Variants in LMNB1 observed in about 807,000 individuals in gnomAD.
The protein encoded by LMNB1 is lamin B1, also known as lamin-B1.
Under a neutral mutation model 67.1 loss-of-function variants are expected in LMNB1, and 23 were observed. The ratio of observed to expected loss-of-function variants is 0.34; its 90% CI spans 0.25 to 0.49. LMNB1 has a LOEUF of 0.49. Among genes scored for constraint, LMNB1 ranks in the 20% least tolerant of loss-of-function variants. The pLI is 0.99. For synonymous variants in LMNB1, 281 were observed against 282.9 expected (o/e 0.99, Z 0.07); for missense variants, 634 against 746.5 (o/e 0.85, Z 1.76).
chr5:126,791,988 G>T (rs1487913278), intron 1 of LMNB1, among the ~76,000 whole-genome samples: 1 of 151,640 alleles, frequency 6.6e-6, no homozygotes, highest in Admixed American at 6.6e-5. Context: ...TCACCATGTT[G>T]GTCAGGCTGG....
chr5:126,827,400 C>G (rs1752021761), intron 9 of LMNB1, among the ~76,000 whole-genome samples: 1 of 152,206 alleles, frequency 6.6e-6, no homozygotes, highest in South Asian at 2.1e-4. Context: ...TGGCTCATGC[C>G]TGTAATCCCA....
intron 9 of LMNB1, among the ~76,000 whole-genome samples, chr5:126,829,309 C>T (rs1035656695): frequency 2.6e-5 from 4 of 151,858 alleles, no homozygotes; most frequent in African/African-American, 9.7e-5. Flanking sequence ...CTTCTGGTTG[C>T]CTCCCTTGGG....
At chr5:126,819,651 C>T (rs1375485205) in intron 6 of LMNB1, among the ~76,000 whole-genome samples, 1 of 151,588 alleles carries the variant, frequency 6.6e-6, no homozygotes, top group Non-Finnish European at 1.5e-5. Flanking sequence ...TCACCACACC[C>T]GGCTAATTTT....
intron 1 of LMNB1, among the ~76,000 whole-genome samples, chr5:126,788,481 G>A (rs2973891): frequency 0.68 from 103,428 of 151,906 alleles, 35,608 homozygotes; most frequent in South Asian, 0.74. Flanking sequence ...TACTAAAAAT[G>A]CAAAAATTAG....
At chr5:126,786,460 A>C (rs1202965418) in intron 1 of LMNB1, among the ~76,000 whole-genome samples, 7 of 152,162 alleles carry the variant, frequency 4.6e-5, no homozygotes, top group African/African-American at 9.7e-5. Flanking sequence ...GCTGATGAGT[A>C]AGGAAACTTC....
chr5:126,787,546 A>ATATATATATATATATATTTTTTTTT, intron 1 of LMNB1, among the ~76,000 whole-genome samples: 1 of 65,574 alleles, frequency 1.5e-5, no homozygotes, highest in African/African-American at 6.6e-5. Context: ...ATATATATAT[A>ATATATATATATATATATTTTTTTTT]TTTTTTTTTT....
At chr5:126,797,795 G>A (rs1037730415) in intron 1 of LMNB1, among the ~76,000 whole-genome samples, 8 of 152,276 alleles carry the variant, frequency 5.3e-5, no homozygotes, top group Middle Eastern at 3.4e-3. Context: ...CATTGATTTG[G>A]CTGAGTGCAG....
chr5:126,833,423 C>G (rs1171324962), intron 10 of LMNB1, among the ~76,000 whole-genome samples: 1 of 152,164 alleles, frequency 6.6e-6, no homozygotes, highest in Non-Finnish European at 1.5e-5. Flanking sequence ...TACCCTTATC[C>G]TGATAAGACT....
intron 1 of LMNB1, among the ~76,000 whole-genome samples, chr5:126,789,021 G>C (rs1477355389): frequency 6.6e-6 from 1 of 151,832 alleles, no homozygotes; most frequent in African/African-American, 2.4e-5. Flanking sequence ...TCAGCCTCTG[G>C]AGTAGCTGGG....
chr5:126,831,098 A>C (rs952511015), intron 9 of LMNB1, among the ~76,000 whole-genome samples: 28 of 152,230 alleles, frequency 1.8e-4, no homozygotes, highest in African/African-American at 6.5e-4. Flanking sequence ...TATTTACAAA[A>C]CACATTATTG....
In LMNB1 at chr5:126,811,865, C is replaced by T. The variant is rs764400363; in HGVS notation, c.906C>T (p.Ser302=). 3 of 1,612,450 alleles carry T rather than the reference C, an allele frequency of 1.9e-6. No individual in the cohort carries two copies. Among genetic ancestry groups the T allele is most frequent in the Admixed American group, 1.7e-5 (1 of 60,006 alleles). Residue 302 remains serine (S), a synonymous_variant, in exon 5 of 11, where the codon AGC becomes AGT. Coordinates refer to ENST00000261366, the MANE Select transcript of LMNB1 (RefSeq NM_005573.4). ...ELMESRMRIE[S]LSSQLSNLQK... ...TGGAAAGCCGCATGAGAATTGAGAG[C>T]CTTTCATCCCAGCTTTCTAATCTAC...
intron 8 of LMNB1, among the ~76,000 whole-genome samples, chr5:126,823,178 G>GAA (rs1173215413): frequency 6.6e-6 from 1 of 152,192 alleles, no homozygotes; most frequent in Non-Finnish European, 1.5e-5. Flanking sequence ...TTGGCATAAA[G>GAA]AACTGTTAAG....
rs202220371 is a variant in LMNB1, at chr5:126,806,618, GAA to G, written c.642+924_642+925del. ...GTGATGAGAAAGAGAGAGAGAGAGAGAAAGAAACACAACGAGAACATGAATAC... is the reference window on the plus strand; with the variant it reads ...GTGATGAGAAAGAGAGAGAGAGAGAGAGAAACACAACGAGAACATGAATAC... On this transcript the variant is annotated intron_variant, in intron 3 of 10. Coordinates refer to ENST00000261366, the MANE Select transcript of LMNB1 (RefSeq NM_005573.4). Among the ~76,000 whole-genome samples, 390 of 152,166 alleles carry G rather than the reference GAA, an allele frequency of 2.6e-3. 5 individuals are homozygous for G. Among genetic ancestry groups the G allele is most frequent in the African/African-American group, 8.8e-3 (365 of 41,512 alleles).
At position 126,810,270 on chromosome 5, in the gene LMNB1, G is replaced by C; in HGVS notation, c.733G>C (p.Ala245Pro). ...QIEYEYKLAQ[A>P]LHEMREQHDA... ...TGAGTATGAGTACAAGCTGGCGCAA[G>C]CCCTTCATGAGATGAGAGAGCAACA... is the stretch of plus-strand genomic sequence containing the variant. The change falls in exon 4 of 11, where the codon GCC becomes CCC. Residue 245 changes from alanine to proline, a missense_variant. Transcript: ENST00000261366. 2 of 1,614,002 alleles carry C rather than the reference G, an allele frequency of 1.2e-6. No homozygotes were observed. Among genetic ancestry groups the C allele is most frequent in the Non-Finnish European group, 1.7e-6 (2 of 1,179,874 alleles).
chr5:126,821,133 C>A lies in LMNB1; in HGVS notation c.1384C>A (p.Gln462Lys), dbSNP rs1751859447. 4.4e-6 allele frequency: 7 copies of A among 1,604,410 alleles called. No individual in the cohort carries two copies. The South Asian group carries it at 7.7e-5, about 18-fold the overall frequency. Residue 462 changes from glutamine (Q) to lysine (K), a missense_variant and splice_region_variant, in exon 7 of 11, where the codon CAG becomes AAG. By Grantham distance (53) the Gln-to-Lys change is moderately conservative (BLOSUM62 1). Coordinates refer to ENST00000261366, the MANE Select transcript of LMNB1 (RefSeq NM_005573.4). ...TATCCGCTTGAAGAACACTTCTGAA[C>A]AGGTAATAAAATAGACCCTTTTTTT... The part of the protein sequence containing the change: ...KFIRLKNTSE[Q>K]DQPMGGWEMI...
chr5:126,828,140 C>A (rs1440734937), intron 9 of LMNB1, among the ~76,000 whole-genome samples: 1 of 152,202 alleles, frequency 6.6e-6, no homozygotes, highest in Non-Finnish European at 1.5e-5. Context: ...ATAAAAAGTT[C>A]TGTTCATGGC....
chr5:126,796,977 T>TG (rs1447476363), intron 1 of LMNB1, among the ~76,000 whole-genome samples: 1 of 151,956 alleles, frequency 6.6e-6, no homozygotes, highest in South Asian at 2.1e-4. Flanking sequence ...TTAGCAGAGA[T>TG]GGGGTTTCGC....
intron 1 of LMNB1, among the ~76,000 whole-genome samples, chr5:126,788,563 G>C (rs1049754760): frequency 1.4e-4 from 22 of 152,296 alleles, no homozygotes; most frequent in African/African-American, 5.3e-4. Context: ...CTTGAACCTG[G>C]GAGGCGGAGG....
chr5:126,778,326 G>T (rs1437187179), intron 1 of LMNB1, among the ~76,000 whole-genome samples: 1 of 152,186 alleles, frequency 6.6e-6, no homozygotes, highest in Admixed American at 6.5e-5. Context: ...GGGCGGCCGG[G>T]GAGGACTGGC....
Sources: allele counts gnomAD v4.1 joint callset (sites outside exome capture counted in the v4.1 genomes callset), GRCh38; gene constraint gnomAD v4.1.1; transcripts MANE v1.5; gene names NCBI Gene and HGNC (gene_info 2026-07-23, HGNC 2026-07-21).